The following ATRNL1 variants were observed in gnomAD, a reference collection of about 807,000 sequenced individuals.
ATRNL1 encodes the protein attractin like 1, also known as attractin-like protein 1.
In ATRNL1, 95 loss-of-function variants were observed where a neutral mutation model predicts 182.7. The ratio of observed to expected loss-of-function variants is 0.52; its 90% CI spans 0.44 to 0.62. ATRNL1 has a LOEUF of 0.62. Among genes scored for constraint, ATRNL1 ranks in the 20% least tolerant of loss-of-function variants. The pLI is 0.00. For synonymous variants in ATRNL1, 576 were observed against 568.3 expected (o/e 1.01, Z -0.19); for missense variants, 1,471 against 1,679.5 (o/e 0.88, Z 2.17).
intron 27 of ATRNL1, among the ~76,000 whole-genome samples, chr10:115,770,151 T>A (rs568654161): frequency 2.6e-5 from 4 of 151,258 alleles, no homozygotes; most frequent in African/African-American, 9.7e-5. Context: ...TTTTTAAAAC[T>A]AAAAAAAACA....
chr10:115,621,313 A>AGAGT (rs1363164268), intron 26 of ATRNL1, among the ~76,000 whole-genome samples: 32 of 74,080 alleles, frequency 4.3e-4, no homozygotes, highest in African/African-American at 1.4e-3. Flanking sequence ...AGAGAGAGAG[A>AGAGT]GTGTGTGAGT....
chr10:115,461,276 C>T (rs1847783810), intron 21 of ATRNL1, among the ~76,000 whole-genome samples: 1 of 151,870 alleles, frequency 6.6e-6, no homozygotes, highest in Non-Finnish European at 1.5e-5. Flanking sequence ...TGCATAGCCA[C>T]TCATGACTTA....
At chr10:115,730,336 C>G (rs1464244822) in intron 27 of ATRNL1, among the ~76,000 whole-genome samples, 1 of 149,264 alleles carries the variant, frequency 6.7e-6, no homozygotes, top group East Asian at 2.0e-4. Flanking sequence ...TAAATGCCTA[C>G]CAATATGTTT....
At chr10:115,600,220 T>A (rs199810920) in intron 26 of ATRNL1, among the ~76,000 whole-genome samples, 1 of 76,968 alleles carries the variant, frequency 1.3e-5, no homozygotes, top group Admixed American at 2.0e-4. Flanking sequence ...TGAATGTTTG[T>A]TTAGAAGCTT....
At chr10:115,119,780 C>T (rs2143615278) in intron 1 of ATRNL1, among the ~76,000 whole-genome samples, 2 of 152,138 alleles carry the variant, frequency 1.3e-5, no homozygotes, top group East Asian at 3.9e-4. Context: ...ATGCTAACTC[C>T]CCAAAGTGGA....
intron 26 of ATRNL1, among the ~76,000 whole-genome samples, chr10:115,663,237 T>G (rs1464105284): frequency 2.0e-5 from 3 of 152,116 alleles, no homozygotes; most frequent in African/African-American, 7.2e-5. Context: ...TAACTTGATA[T>G]GCTCACAGGC....
chr10:115,682,630 A>G (rs1946084296), intron 26 of ATRNL1, among the ~76,000 whole-genome samples: 1 of 152,072 alleles, frequency 6.6e-6, no homozygotes, highest in South Asian at 2.1e-4. Context: ...CTGTATAGAA[A>G]TGTGCCCATT....
At chr10:115,455,865 C>T (rs1258355987) in intron 21 of ATRNL1, among the ~76,000 whole-genome samples, 1 of 151,958 alleles carries the variant, frequency 6.6e-6, no homozygotes, top group East Asian at 1.9e-4. Context: ...GTTTCTGTGG[C>T]CAACAAAAAT....
chr10:115,650,469 T>G (rs1205291372), intron 26 of ATRNL1, among the ~76,000 whole-genome samples: 2 of 152,072 alleles, frequency 1.3e-5, no homozygotes, highest in African/African-American at 4.8e-5. Flanking sequence ...TTATTAATGA[T>G]TATGGAGGTA....
At chr10:115,314,915 T>C (rs1411161667) in intron 17 of ATRNL1, among the ~76,000 whole-genome samples, 5 of 152,226 alleles carry the variant, frequency 3.3e-5, no homozygotes, top group Admixed American at 6.5e-5. Flanking sequence ...GTTGCCTGGC[T>C]GAAGGAGAGT....
chr10:115,667,879 T>C (rs1022795556), intron 26 of ATRNL1, among the ~76,000 whole-genome samples: 3 of 152,038 alleles, frequency 2.0e-5, no homozygotes, highest in South Asian at 2.1e-4. Flanking sequence ...TGCCCAGGCT[T>C]GTCTCAAATC....
At chr10:115,357,014 CTTTAAT>C (rs1426632570) in intron 19 of ATRNL1, among the ~76,000 whole-genome samples, 2 of 151,840 alleles carry the variant, frequency 1.3e-5, no homozygotes, top group African/African-American at 4.8e-5. Flanking sequence ...CAATATTTCT[CTTTAAT>C]TTTATTTGAT....
intron 26 of ATRNL1, among the ~76,000 whole-genome samples, chr10:115,623,271 A>C (rs1278725815): frequency 2.6e-5 from 4 of 152,218 alleles, no homozygotes; most frequent in Non-Finnish European, 4.4e-5. Context: ...GTTTTAAAGA[A>C]TCAGTTTCAG....
intron 19 of ATRNL1, among the ~76,000 whole-genome samples, chr10:115,374,201 C>T (rs115476868): frequency 0.013 from 1,966 of 151,690 alleles, 38 homozygotes; most frequent in African/African-American, 0.044. Flanking sequence ...TTAGTTGTAA[C>T]ACTTCTTTAA....
intron 28 of ATRNL1, among the ~76,000 whole-genome samples, chr10:115,856,185 T>G (rs1951175767): frequency 6.6e-6 from 1 of 151,938 alleles, no homozygotes; most frequent in Non-Finnish European, 1.5e-5. Context: ...TCCCAGCACT[T>G]TGGGAGGCCG....
intron 20 of ATRNL1, among the ~76,000 whole-genome samples, chr10:115,399,685 TTTTG>T (rs1554956499): frequency 6.6e-6 from 1 of 152,046 alleles, no homozygotes; most frequent in Non-Finnish European, 1.5e-5. Flanking sequence ...TCATCTATGA[TTTTG>T]TTTATTTCTT....
intron 27 of ATRNL1, among the ~76,000 whole-genome samples, chr10:115,776,783 C>G (rs1555078056): frequency 1.3e-5 from 2 of 152,118 alleles, no homozygotes; most frequent in African/African-American, 4.8e-5. Flanking sequence ...CATCTCCAAG[C>G]CCTACCCAAA....
chr10:115,271,933 A>G (rs782670518), intron 13 of ATRNL1, among the ~76,000 whole-genome samples: 4 of 152,190 alleles, frequency 2.6e-5, no homozygotes, highest in Non-Finnish European at 4.4e-5. Context: ...TGGATCCCTC[A>G]TGAATGGCTT....
intron 1 of ATRNL1, among the ~76,000 whole-genome samples, chr10:115,113,887 G>C (rs926804715): frequency 1.3e-5 from 2 of 152,150 alleles, no homozygotes; most frequent in Non-Finnish European, 2.9e-5. Context: ...CAGCTCTTTA[G>C]GGATGTACTA....
Sources: allele counts gnomAD v4.1 joint callset (sites outside exome capture counted in the v4.1 genomes callset), GRCh38; gene constraint gnomAD v4.1.1; transcripts MANE v1.5; gene names NCBI Gene and HGNC (gene_info 2026-07-23, HGNC 2026-07-21).